Variants in BRD10 observed in about 807,000 individuals in gnomAD.
The protein encoded by BRD10 is bromodomain containing 10.
chr9:5,925,125 G>A, the BRD10 span, among the ~76,000 whole-genome samples: 2 of 152,170 alleles, frequency 1.3e-5, no homozygotes, highest in East Asian at 1.9e-4. Context: ...TTGGGAGGCC[G>A]AGGTAGGCAG....
the BRD10 span, among the ~76,000 whole-genome samples, chr9:5,900,283 G>C: frequency 6.6e-6 from 1 of 152,128 alleles, no homozygotes; most frequent in Admixed American, 6.5e-5. Flanking sequence ...CATTCCTCTA[G>C]GATTAGATCA....
At chr9:5,934,563 A>C in the BRD10 span, among the ~76,000 whole-genome samples, 1 of 151,914 alleles carries the variant, frequency 6.6e-6, no homozygotes, top group Non-Finnish European at 1.5e-5. Flanking sequence ...ATGAGGCTTC[A>C]CCATATTGAC....
the BRD10 span, among the ~76,000 whole-genome samples, chr9:5,983,223 C>G: frequency 1.3e-5 from 2 of 152,112 alleles, no homozygotes; most frequent in Non-Finnish European, 2.9e-5. Context: ...TTAGCAGAGG[C>G]CTGAGAGGCA....
the BRD10 span, among the ~76,000 whole-genome samples, chr9:5,916,594 T>C: frequency 7.5e-6 from 1 of 133,618 alleles, no homozygotes; most frequent in Non-Finnish European, 1.6e-5. Flanking sequence ...AACATATATA[T>C]AAAACTAATC....
the BRD10 span, chr9:5,922,019 G>C: frequency 6.2e-7 from 1 of 1,614,000 alleles, no homozygotes; most frequent in Non-Finnish European, 8.5e-7. Context: ...AGAAGTTGTT[G>C]ATTTTGGCAC....
At chr9:5,929,079 C>G in the BRD10 span, 1 of 1,604,066 alleles carries the variant, frequency 6.2e-7, no homozygotes, top group Non-Finnish European at 8.5e-7. Flanking sequence ...ACTTTGGTTC[C>G]CATGGCAGCA....
chr9:5,957,254 G>A, the BRD10 span, among the ~76,000 whole-genome samples: 1 of 152,120 alleles, frequency 6.6e-6, no homozygotes, highest in Non-Finnish European at 1.5e-5. Context: ...AGATCAAAAA[G>A]ATTAATTAAC....
chr9:5,946,062 CACA>C, the BRD10 span, among the ~76,000 whole-genome samples: 2 of 151,946 alleles, frequency 1.3e-5, no homozygotes, highest in African/African-American at 4.8e-5. Context: ...AAAAGTGGGT[CACA>C]ACAAGATAAT....
the BRD10 span, chr9:6,007,558 T>G: frequency 6.2e-7 from 1 of 1,612,886 alleles, no homozygotes; most frequent in Non-Finnish European, 8.5e-7. Flanking sequence ...CTGTAGCTCG[T>G]AGGTCAGCTC....
chr9:6,007,126 A>C, the BRD10 span: 1 of 1,492,024 alleles, frequency 6.7e-7, no homozygotes, highest in Non-Finnish European at 9.2e-7. Flanking sequence ...GGCCCAGCCC[A>C]TCCTCGGGCA....
the BRD10 span, among the ~76,000 whole-genome samples, chr9:5,885,444 C>T: frequency 2.0e-5 from 3 of 151,604 alleles, no homozygotes; most frequent in Non-Finnish European, 2.9e-5. Flanking sequence ...GATCTCAGCT[C>T]ACTGCAACCT....
chr9:5,915,175 TTCTCAA>T, the BRD10 span, among the ~76,000 whole-genome samples: 1 of 152,190 alleles, frequency 6.6e-6, no homozygotes, highest in African/African-American at 2.4e-5. Context: ...TTCTTTATCC[TTCTCAA>T]TCTCAACAGT....
At chr9:6,007,834 G>T in the BRD10 span, 1 of 1,396,294 alleles carries the variant, frequency 7.2e-7, no homozygotes, top group East Asian at 2.9e-5. Context: ...CGCTCGAGGT[G>T]CTGGGGGACG....
the BRD10 span, among the ~76,000 whole-genome samples, chr9:5,989,165 G>C: frequency 6.8e-6 from 1 of 146,748 alleles, no homozygotes; most frequent in Non-Finnish European, 1.5e-5. Flanking sequence ...GGAGGAGGCA[G>C]AGGTTGTGGT....
At chr9:5,908,689 C>T in the BRD10 span, 11 of 1,613,888 alleles carry the variant, frequency 6.8e-6, no homozygotes, top group African/African-American at 6.7e-5. Flanking sequence ...GAACAGTCAC[C>T]ACCACCTTAT....
At chr9:5,987,073 T>C in the BRD10 span, among the ~76,000 whole-genome samples, 4 of 152,214 alleles carry the variant, frequency 2.6e-5, no homozygotes, top group African/African-American at 7.2e-5. Context: ...TTGGGCAAGT[T>C]ACTTCATCAC....
chr9:5,934,855 T>A, the BRD10 span, among the ~76,000 whole-genome samples: 1 of 152,158 alleles, frequency 6.6e-6, no homozygotes, highest in South Asian at 2.1e-4. Flanking sequence ...AAACAGTATA[T>A]AATAAACTGT....
the BRD10 span, among the ~76,000 whole-genome samples, chr9:5,993,158 A>G: frequency 1.3e-5 from 2 of 151,844 alleles, no homozygotes; most frequent in Non-Finnish European, 2.9e-5. Flanking sequence ...TCTACTAATA[A>G]TAAAAAATTA....
At chr9:5,968,746 T>C in the BRD10 span, 1 of 1,613,908 alleles carries the variant, frequency 6.2e-7, no homozygotes, top group Non-Finnish European at 8.5e-7. Flanking sequence ...TGGGTGGAAT[T>C]GGAAATTCTG....
Sources: allele counts gnomAD v4.1 joint callset (sites outside exome capture counted in the v4.1 genomes callset), GRCh38; gene constraint gnomAD v4.1.1; transcripts MANE v1.5; gene names NCBI Gene and HGNC (gene_info 2026-07-23, HGNC 2026-07-21).